The following DENND2B variants were observed in gnomAD, a reference collection of about 807,000 sequenced individuals.
DENND2B encodes DENN domain containing 2B.
DENND2B carries 32 observed loss-of-function variants against 116.0 expected under a neutral mutation model. That is an observed-to-expected ratio of 0.28 (90% CI 0.21 to 0.37). The LOEUF (loss-of-function observed/expected upper bound fraction) is 0.37, where lower values mean the gene tolerates loss of function less well. DENND2B is among the 10% of genes least tolerant of loss of function. The pLI is 1.00. For missense variants in DENND2B, 1,276 were observed against 1,477.7 expected (o/e 0.86, Z 2.24); for synonymous variants, 588 against 583.9 (o/e 1.01, Z -0.10).
At chr11:8,824,367 G>A (rs1281154802) in intron 4 of DENND2B, among the ~76,000 whole-genome samples, 1 of 152,044 alleles carries the variant, frequency 6.6e-6, no homozygotes, top group Admixed American at 6.6e-5. Flanking sequence ...TCACCCTCAA[G>A]TAGGCCTTGG....
intron 3 of DENND2B, among the ~76,000 whole-genome samples, chr11:8,850,289 T>C (rs1450482155): frequency 6.6e-6 from 1 of 152,140 alleles, no homozygotes; most frequent in African/African-American, 2.4e-5. Flanking sequence ...TTAAATAAAA[T>C]ATAAAACTGC....
At chr11:8,701,798 C>T (rs2041737316) in intron 14 of DENND2B, among the ~76,000 whole-genome samples, 1 of 152,128 alleles carries the variant, frequency 6.6e-6, no homozygotes, top group South Asian at 2.1e-4. Flanking sequence ...TCACTTCTGC[C>T]ACCCCTCCCA....
chr11:8,765,637 G>A (rs1322748965), intron 1 of DENND2B, among the ~76,000 whole-genome samples: 4 of 152,144 alleles, frequency 2.6e-5, no homozygotes, highest in Non-Finnish European at 5.9e-5. Context: ...CATCCCATTA[G>A]TAAGTGTGGT....
At chr11:8,826,006 A>G (rs2061964720) in intron 4 of DENND2B, among the ~76,000 whole-genome samples, 1 of 152,222 alleles carries the variant, frequency 6.6e-6, no homozygotes, top group Non-Finnish European at 1.5e-5. Flanking sequence ...AAATATATTG[A>G]AAGAAAAAAA....
At chr11:8,726,305 C>T (rs1301432931) in intron 3 of DENND2B, 96 bp from the exon 4 acceptor site, 2 of 1,469,830 alleles carry the variant, frequency 1.4e-6, no homozygotes, top group Non-Finnish European at 9.1e-7. Context: ...CATAGGCCCT[C>T]CTTACAAAGG....
intron 1 of DENND2B, among the ~76,000 whole-genome samples, chr11:8,806,625 C>CACACACACACACAT (rs2060872262): frequency 6.6e-6 from 1 of 151,626 alleles, no homozygotes; most frequent in Non-Finnish European, 1.5e-5. Context: ...CACACACACA[C>CACACACACACACAT]ACACACACAC....
intron 2 of DENND2B, among the ~76,000 whole-genome samples, chr11:8,741,300 G>GC (rs1444728236): frequency 6.6e-6 from 1 of 152,204 alleles, no homozygotes; most frequent in Non-Finnish European, 1.5e-5. Flanking sequence ...TTCTAAGGAA[G>GC]CACCAAGTGG....
intron 3 of DENND2B, among the ~76,000 whole-genome samples, chr11:8,856,004 C>A (rs149220676): frequency 7.5e-4 from 114 of 152,230 alleles, no homozygotes; most frequent in African/African-American, 2.7e-3. Flanking sequence ...GTCTGAGCAC[C>A]CAACATATGT....
chr11:8,707,385 T>C lies in DENND2B; in HGVS notation c.2431-160A>G. 1.0e-6 allele frequency: 1 copy of C among 961,260 alleles called. No homozygotes were observed. The highest frequency in any genetic ancestry group is 1.5e-6 in the Non-Finnish European group (1 of 672,894). The allele number at this position is 961,260 out of a possible 1,614,324, so 59.5% of individuals were successfully genotyped here. On this transcript the variant is annotated intron_variant, in intron 12 of 19. Coordinates refer to ENST00000313726, the MANE Select transcript of DENND2B (RefSeq NM_213618.2). The surrounding 1 kb of genome is among the most constrained non-coding windows in gnomAD (Gnocchi z 4.8). Reference sequence around the variant, plus strand: ...TGATCTGCACACTCTACCCTTCCCGTTTTCCTTGGCACTCAGTGACTCCTC... The same window carrying C: ...TGATCTGCACACTCTACCCTTCCCGCTTTCCTTGGCACTCAGTGACTCCTC...
intron 1 of DENND2B, among the ~76,000 whole-genome samples, chr11:8,889,671 G>A (rs142049785): frequency 0.017 from 2,549 of 152,338 alleles, 36 homozygotes; most frequent in Middle Eastern, 0.051. Context: ...AGATCAAACT[G>A]CAAGGTGGCA....
intron 1 of DENND2B, among the ~76,000 whole-genome samples, chr11:8,895,920 G>C (rs940002858): frequency 6.6e-6 from 1 of 151,776 alleles, no homozygotes; most frequent in East Asian, 1.9e-4. Flanking sequence ...CACCATGACC[G>C]GCCTATTTTA....
At chr11:8,718,220 C>T in intron 4 of DENND2B, 6 of 876,808 alleles carry the variant, frequency 6.8e-6, no homozygotes, top group Non-Finnish European at 1.1e-5. Context: ...AGGACAAAGC[C>T]AGCAACAAGA....
chr11:8,835,969 TC>T (rs34814748), intron 4 of DENND2B, among the ~76,000 whole-genome samples: 32,812 of 151,988 alleles, frequency 0.22, 3,986 homozygotes, highest in Middle Eastern at 0.4. Flanking sequence ...GTCACCTAGC[TC>T]TAACAGTCTC....
intron 2 of DENND2B, among the ~76,000 whole-genome samples, chr11:8,731,606 T>TA (rs2048139491): frequency 6.6e-6 from 1 of 152,150 alleles, no homozygotes; most frequent in Non-Finnish European, 1.5e-5. Context: ...TCCCAGCACT[T>TA]AGAGAGGCAG....
chr11:8,711,085 T>A (rs750373271), intron 10 of DENND2B, 37 bp downstream of exon 10: 2 of 1,603,574 alleles, frequency 1.2e-6, no homozygotes, highest in Non-Finnish European at 1.7e-6. Flanking sequence ...TAAAGAAGGC[T>A]ATGCTCCTTC....
At chr11:8,728,005 A>G (rs1003469501) in intron 3 of DENND2B, among the ~76,000 whole-genome samples, 42 of 96,372 alleles carry the variant, frequency 4.4e-4, no homozygotes, top group Non-Finnish European at 7.2e-4. Context: ...ACACACACAC[A>G]CACGCAAATT....
chr11:8,815,456 T>C (rs940210382), upstream of DENND2B, among the ~76,000 whole-genome samples: 1 of 152,254 alleles, frequency 6.6e-6, no homozygotes, highest in Middle Eastern at 3.4e-3. Flanking sequence ...ACACCTCCCC[T>C]GCTACCAACC....
intron 1 of DENND2B, among the ~76,000 whole-genome samples, chr11:8,888,612 G>A (rs1038169297): frequency 6.6e-5 from 10 of 152,106 alleles, no homozygotes; most frequent in Admixed American, 5.9e-4. Context: ...GGCACCAAAG[G>A]AAACTGTCAA....
intron 1 of DENND2B, among the ~76,000 whole-genome samples, chr11:8,754,062 C>CACACAA (rs2053154682): frequency 4.6e-5 from 7 of 151,794 alleles, no homozygotes; most frequent in African/African-American, 1.7e-4. Context: ...CACACACACA[C>CACACAA]AAAGGACATG....
Sources: allele counts gnomAD v4.1 joint callset (sites outside exome capture counted in the v4.1 genomes callset), GRCh38; gene constraint gnomAD v4.1.1; non-coding constraint Gnocchi (gnomAD v3.1); transcripts MANE v1.5; gene names NCBI Gene and HGNC (gene_info 2026-07-23, HGNC 2026-07-21).